The following ZNF248 variants were observed in gnomAD, a reference collection of about 807,000 sequenced individuals.
ZNF248 encodes KRAB protein domain.
ZNF248 carries 20 observed loss-of-function variants against 44.3 expected under a neutral mutation model. The ratio of observed to expected loss-of-function variants is 0.45; its 90% confidence interval spans 0.32 to 0.66. ZNF248 has a LOEUF of 0.66. ZNF248 is among the 30% of genes least tolerant of loss of function. The pLI is 0.04. For missense variants in ZNF248, 654 were observed against 677.0 expected (o/e 0.97, Z 0.38); for synonymous variants, 224 against 229.0 (o/e 0.98, Z 0.20).
chr10:37,835,173 C>T (rs2056871649), intron 5 of ZNF248, among the ~76,000 whole-genome samples: 1 of 151,890 alleles, frequency 6.6e-6, no homozygotes, highest in Non-Finnish European at 1.5e-5. Context: ...AATTAGACAA[C>T]TAACAATTAG....
intron 6 of ZNF248, among the ~76,000 whole-genome samples, chr10:37,811,806 C>T (rs1448870031): frequency 3.3e-5 from 5 of 151,974 alleles, no homozygotes; most frequent in South Asian, 2.1e-4. Flanking sequence ...GTGATCATGC[C>T]ACTGTACTCC....
rs773755988 is a variant in ZNF248 at position 37,832,642 on chromosome 10, CCTAT to C, written c.709_712del (p.Ile237GlufsTer18). 1 of 1,613,330 alleles carries C rather than the reference CCTAT, an allele frequency of 6.2e-7. No homozygotes were observed. The highest frequency in any genetic ancestry group is 1.7e-5 in the Admixed American group (1 of 59,982). On this transcript the variant is annotated frameshift_variant, in exon 6 of 6. Coordinates refer to ENST00000395867, the MANE Select transcript of ZNF248 (RefSeq NM_021045.3). LOFTEE classifies it high-confidence loss of function. ...TTCGTTATATTTACAGACTGTCTCT[CCTAT>C]CTGAGATCTCTTATTTGTAAAAAAT...
chr10:37,817,011 G>A (rs1229513518), intron 6 of ZNF248, among the ~76,000 whole-genome samples: 1 of 152,150 alleles, frequency 6.6e-6, no homozygotes, highest in Non-Finnish European at 1.5e-5. Context: ...GGTCTGGGTG[G>A]AAGGGAGTCC....
intron 3 of ZNF248, among the ~76,000 whole-genome samples, chr10:37,852,930 C>T (rs1374864525): frequency 6.6e-6 from 1 of 151,700 alleles, no homozygotes; most frequent in African/African-American, 2.4e-5. Flanking sequence ...TGCGTGATCT[C>T]GGCTCACTGC....
intron 6 of ZNF248, chr10:37,820,232 C>T (rs1450292169): frequency 4.5e-6 from 6 of 1,333,538 alleles, no homozygotes; most frequent in Non-Finnish European, 6.5e-6. Flanking sequence ...TCTGTCTGTG[C>T]CAGATGGAGA....
intron 1 of ZNF248, 91 bp from the exon 2 acceptor site, chr10:37,856,623 T>A (rs555962569): frequency 9.5e-7 from 1 of 1,050,006 alleles, no homozygotes; most frequent in Admixed American, 6.1e-5. Context: ...TTGTCAAAAT[T>A]CCTTGTAGGG....
At chr10:37,857,902 G>C (rs1454868766), upstream of ZNF248, 1 of 152,354 alleles carries the variant, frequency 6.6e-6, no homozygotes, top group African/African-American at 2.4e-5. Flanking sequence ...CGTCGCCGCA[G>C]GCGCCAGGGG....
At chr10:37,834,140 A>C (rs2133976926) in intron 5 of ZNF248, among the ~76,000 whole-genome samples, 1 of 152,290 alleles carries the variant, frequency 6.6e-6, no homozygotes, top group Admixed American at 6.5e-5. Context: ...TTAACTTAAA[A>C]ACAAAAACTA....
intron 1 of ZNF248, 143 bp from the exon 2 acceptor site, chr10:37,856,675 T>C (rs2061351798): frequency 3.0e-6 from 3 of 1,009,912 alleles, no homozygotes; most frequent in Non-Finnish European, 2.4e-6. Flanking sequence ...TGTTTACCTG[T>C]TAACACCATT....
downstream of ZNF248, among the ~76,000 whole-genome samples, chr10:37,773,539 G>A (rs921596747): frequency 3.2e-4 from 48 of 152,132 alleles, no homozygotes; most frequent in Non-Finnish European, 6.5e-4. Context: ...ATTTTCTGGG[G>A]ATGCCATAAC....
At chr10:37,761,875 T>G in the ZNF248 span, among the ~76,000 whole-genome samples, 4 of 152,194 alleles carry the variant, frequency 2.6e-5, no homozygotes, top group Admixed American at 6.5e-5. Context: ...AGCTTCAAGG[T>G]TGGTTAATTT....
At chr10:37,823,063 C>T (rs962743010) in intron 6 of ZNF248, among the ~76,000 whole-genome samples, 2 of 152,072 alleles carry the variant, frequency 1.3e-5, no homozygotes, top group African/African-American at 4.8e-5. Flanking sequence ...TGGCTGGGCA[C>T]GGTGGCTCAC....
the ZNF248 span, among the ~76,000 whole-genome samples, chr10:37,767,483 G>T: frequency 6.6e-6 from 1 of 152,164 alleles, no homozygotes; most frequent in Non-Finnish European, 1.5e-5. Flanking sequence ...CATTCTTAAA[G>T]AAAAGAATTT....
intron 3 of ZNF248, among the ~76,000 whole-genome samples, chr10:37,853,221 T>C (rs1383446592): frequency 1.3e-5 from 2 of 151,818 alleles, no homozygotes; most frequent in Non-Finnish European, 2.9e-5. Context: ...AGGATAAATA[T>C]AGAGAAAACC....
chr10:37,806,080 A>C (rs2050513245), intron 6 of ZNF248, among the ~76,000 whole-genome samples: 1 of 152,248 alleles, frequency 6.6e-6, no homozygotes, highest in Non-Finnish European at 1.5e-5. Context: ...CTGTGTGAAC[A>C]TACTACAATT....
the ZNF248 span, among the ~76,000 whole-genome samples, chr10:37,763,495 G>A: frequency 1.3e-5 from 2 of 152,196 alleles, no homozygotes; most frequent in Non-Finnish European, 2.9e-5. Flanking sequence ...AGTTGGTCAG[G>A]TCCCACAGGC....
chr10:37,803,365 TCA>T (rs1046413784), intron 6 of ZNF248: 9 of 152,308 alleles, frequency 5.9e-5, no homozygotes, highest in East Asian at 5.8e-4. Context: ...GACTGTGTCC[TCA>T]CAGTCCTCAC....
the ZNF248 span, among the ~76,000 whole-genome samples, chr10:37,765,747 C>A: frequency 6.6e-6 from 1 of 152,124 alleles, no homozygotes; most frequent in Non-Finnish European, 1.5e-5. Context: ...CTAGGGAGTG[C>A]CAGACAGTGG....
At chr10:37,770,077 G>T in the ZNF248 span, among the ~76,000 whole-genome samples, 1 of 152,138 alleles carries the variant, frequency 6.6e-6, no homozygotes, top group Non-Finnish European at 1.5e-5. Context: ...GGATGTGAAG[G>T]ACCTCTTCAA....
Sources: gnomAD v4.1 joint callset for allele counts (sites outside exome capture counted in the v4.1 genomes callset) on GRCh38, gnomAD v4.1.1 for gene constraint, MANE v1.5 for transcripts, NCBI Gene and HGNC (gene_info 2026-07-23, HGNC 2026-07-21) for gene names.